Variants in STS observed in about 807,000 individuals in gnomAD.
The protein encoded by STS is steryl-sulfatase.
Under a neutral mutation model 26.8 loss-of-function variants are expected in STS, and 7 were observed. That is an observed-to-expected ratio of 0.26 (90% confidence interval 0.15 to 0.49). The LOEUF is 0.49. Ranked by LOEUF, STS falls within the 20% of genes least tolerant of loss-of-function variation. The pLI, the probability that STS is intolerant of heterozygous loss-of-function variation, is 0.98. For synonymous variants in STS, 199 were observed against 189.4 expected (o/e 1.05, Z -0.42); for missense variants, 434 against 465.6 (o/e 0.93, Z 0.63).
chrX:7,162,168 C>T (rs1340457373), intron 1 of STS, among the ~76,000 whole-genome samples: 1 of 111,189 alleles, frequency 9.0e-6, no homozygotes, highest in Non-Finnish European at 1.9e-5. Context: ...CCTTAAAATT[C>T]GAGCCTTGGT....
At chrX:7,339,034 A>G (rs1012085141) in intron 10 of STS, among the ~76,000 whole-genome samples, 3 of 112,337 alleles carry the variant, frequency 2.7e-5, no homozygotes, top group Non-Finnish European at 5.6e-5. Flanking sequence ...CCGTGGTAAC[A>G]TAAAGAAAAG....
intron 6 of STS, among the ~76,000 whole-genome samples, chrX:7,264,008 C>T (rs1360132360): frequency 1.8e-5 from 2 of 111,885 alleles, no homozygotes; most frequent in Non-Finnish European, 3.8e-5. Flanking sequence ...CTTTAAGCAA[C>T]TATTTATAGA....
At chrX:7,236,798 A>G (rs1266198345) in intron 2 of STS, among the ~76,000 whole-genome samples, 1 of 111,513 alleles carries the variant, frequency 9.0e-6, no homozygotes, top group Non-Finnish European at 1.9e-5. Flanking sequence ...GTAGTGAAAC[A>G]TTGTGTACAC....
intron 2 of STS, among the ~76,000 whole-genome samples, chrX:7,240,461 G>A (rs1040421466): frequency 4.2e-5 from 3 of 71,464 alleles, no homozygotes; most frequent in East Asian, 9.8e-4. Flanking sequence ...CAAGGAGCGC[G>A]CGCGCACACA....
At chrX:7,343,689 A>G (rs1419348361) in intron 10 of STS, among the ~76,000 whole-genome samples, 1 of 111,463 alleles carries the variant, frequency 9.0e-6, no homozygotes, top group East Asian at 2.8e-4. Flanking sequence ...GTGGCAGGAA[A>G]AACCTTGGCC....
intron 8 of STS, among the ~76,000 whole-genome samples, chrX:7,309,407 A>T (rs1339404654): frequency 1.8e-5 from 2 of 110,516 alleles, no homozygotes; most frequent in Middle Eastern, 4.7e-3. Flanking sequence ...GGAGGGTGGG[A>T]GGAGGGAAAG....
At chrX:7,172,750 A>G (rs1933491545) in intron 1 of STS, among the ~76,000 whole-genome samples, 1 of 111,641 alleles carries the variant, frequency 9.0e-6, no homozygotes, top group Non-Finnish European at 1.9e-5. Context: ...GGAATATGCA[A>G]TAAACCACCA....
chrX:7,180,581 C>G (rs1022659686), intron 1 of STS, among the ~76,000 whole-genome samples: 1 of 111,879 alleles, frequency 8.9e-6, no homozygotes, highest in South Asian at 3.8e-4. Context: ...ACAGAGTCAG[C>G]ATACAGGTGG....
At chrX:7,215,004 A>C (rs1921213990) in intron 2 of STS, among the ~76,000 whole-genome samples, 1 of 44,476 alleles carries the variant, frequency 2.2e-5, no homozygotes, top group Non-Finnish European at 4.2e-5. Flanking sequence ...ATATATACAT[A>C]TATACGTATA....
At position 7,219,285 on chromosome X, in the gene STS, A is replaced by G. The variant is rs940953121; in HGVS notation, c.-5+28277A>G. 3.4e-5 allele frequency: 14 copies of G among 412,494 alleles called. No individual in the cohort carries two copies. The East Asian group carries it at 2.4e-3, about 71-fold the overall frequency. 34.0% of individuals were successfully genotyped at this position (412,494 alleles called of 1,213,427 possible). ...TAAGTTTCATAACACTGCTGCTAGCATAAACCGCTTGGGTATCAGATTGTG... is the reference window on the plus strand; with the variant it reads ...TAAGTTTCATAACACTGCTGCTAGCGTAAACCGCTTGGGTATCAGATTGTG... On this transcript the variant is annotated intron_variant, in intron 2 of 10. Coordinates refer to ENST00000674429, the MANE Select transcript of STS (RefSeq NM_001320752.2).
intron 2 of STS, among the ~76,000 whole-genome samples, chrX:7,204,183 A>G (rs1269230241): frequency 1.8e-5 from 2 of 111,531 alleles, no homozygotes; most frequent in Non-Finnish European, 3.8e-5. Context: ...ATATATGAAA[A>G]AATATTCTTC....
chrX:7,298,059 A>G (rs1014862619), intron 7 of STS, among the ~76,000 whole-genome samples: 12 of 111,290 alleles, frequency 1.1e-4, no homozygotes, highest in African/African-American at 3.9e-4. Context: ...GCAAAGCACA[A>G]CTTCTCCTAT....
intron 8 of STS, among the ~76,000 whole-genome samples, chrX:7,306,378 G>T (rs1156464129): frequency 9.0e-6 from 1 of 111,367 alleles, no homozygotes; most frequent in Non-Finnish European, 1.9e-5. Flanking sequence ...GGTACAAGAA[G>T]AGATGACGCC....
At chrX:7,335,380 G>T (rs1439884831) in intron 10 of STS, among the ~76,000 whole-genome samples, 1 of 112,160 alleles carries the variant, frequency 8.9e-6, no homozygotes, top group Non-Finnish European at 1.9e-5. Context: ...ATTTTTTTAT[G>T]TGTCTGTTGG....
chrX:7,283,385 G>A lies in STS; in HGVS notation c.943+7298G>A, dbSNP rs1023343643. On this transcript the variant is annotated intron_variant, in intron 7 of 10. Transcript: ENST00000674429. ...TCAACGGATAATGATCAATACCAACGAGTACTTCAGAGACATCAAGAAGGG... is the reference window on the plus strand; with the variant it reads ...TCAACGGATAATGATCAATACCAACAAGTACTTCAGAGACATCAAGAAGGG... Among the ~76,000 whole-genome samples the A allele has an allele frequency of 4.5e-5, 5 of 112,029 alleles. No individual in the cohort carries two copies. The East Asian group carries it at 8.4e-4, about 19-fold the overall frequency.
chrX:7,191,545 G>A (rs764141581), intron 2 of STS, among the ~76,000 whole-genome samples: 13 of 112,383 alleles, frequency 1.2e-4, no homozygotes, highest in Middle Eastern at 4.6e-3. Flanking sequence ...TGGAGGTGAG[G>A]GCTGAGGTCA....
chrX:7,167,223 T>G (rs1394975671), intron 1 of STS, among the ~76,000 whole-genome samples: 1 of 110,292 alleles, frequency 9.1e-6, no homozygotes, highest in Non-Finnish European at 1.9e-5. Context: ...ATTTATTTAT[T>G]TATTTATTTA....
chrX:7,351,404 C>T lies in STS; in HGVS notation c.*1143C>T, dbSNP rs1371190838. Reference sequence around the variant, plus strand: ...ATGAGATGCATGATTTTGTTTTCATCCCATTTCCCCCAAGCCCCTGTAAAT... The same window carrying T: ...ATGAGATGCATGATTTTGTTTTCATTCCATTTCCCCCAAGCCCCTGTAAAT... On this transcript the variant is annotated 3_prime_UTR_variant, in exon 11 of 11. Transcript: ENST00000674429. 3 of 111,982 alleles carry T rather than the reference C, an allele frequency of 2.7e-5. No homozygotes were observed. The highest frequency in any genetic ancestry group is 9.7e-5 in the African/African-American group (3 of 30,805). 9.2% of individuals were successfully genotyped at this position (111,982 alleles called of 1,213,427 possible).
intron 8 of STS, among the ~76,000 whole-genome samples, chrX:7,312,887 C>G (rs556374458): frequency 1.8e-3 from 208 of 112,590 alleles, no homozygotes; most frequent in Middle Eastern, 4.6e-3. Context: ...CCTTCTCTCC[C>G]TATTTCTTCC....
Sources: gnomAD v4.1 joint callset for allele counts (sites outside exome capture counted in the v4.1 genomes callset) on GRCh38, gnomAD v4.1.1 for gene constraint, MANE v1.5 for transcripts, NCBI Gene and HGNC (gene_info 2026-07-23, HGNC 2026-07-21) for gene names.